The following PDE4C variants were observed in gnomAD, a reference collection of about 807,000 sequenced individuals.
PDE4C encodes phosphodiesterase 4C.
Under a neutral mutation model 63.9 loss-of-function variants are expected in PDE4C, and 50 were observed. The ratio of observed to expected loss-of-function variants is 0.78; its 90% CI spans 0.62 to 0.99. The LOEUF is 0.99. PDE4C is among the 50% of genes least tolerant of loss of function. PDE4C has a pLI of 0.00. For synonymous variants in PDE4C, 377 were observed against 385.1 expected (o/e 0.98, Z 0.25); for missense variants, 777 against 899.1 (o/e 0.86, Z 1.74).
Position 18,226,227 on chromosome 19 carries a change from C to A in PDE4C, c.146+43G>T, listed in dbSNP as rs370277022. On this transcript the variant is annotated intron_variant, in intron 1 of 14. Transcript: ENST00000262805. ...GTCCCTGCCCTTCCCACCTCCACACCGGGCGTCCCGGTGACCCCGCCAGGC... is the reference window on the plus strand; with the variant it reads ...GTCCCTGCCCTTCCCACCTCCACACAGGGCGTCCCGGTGACCCCGCCAGGC... 2.9e-4 allele frequency: 437 copies of A among 1,490,802 alleles called. 1 individual carries two copies. The African/African-American group carries it at 4.0e-3, about 14-fold the overall frequency. The allele number at this position is 1,490,802 out of a possible 1,614,324, so 92.3% of individuals were successfully genotyped here. A position where few individuals can be genotyped will look rare whatever the true frequency, so the allele number is the denominator to read the frequency against.
chr19:18,215,423 T>C (rs1476575046), intron 12 of PDE4C, among the ~76,000 whole-genome samples: 1 of 151,380 alleles, frequency 6.6e-6, no homozygotes, highest in Non-Finnish European at 1.5e-5. Context: ...AGGTGCTCAA[T>C]AAATGCTTGT....
intron 1 of PDE4C, chr19:18,224,411 G>C: frequency 8.1e-6 from 8 of 985,596 alleles, no homozygotes; most frequent in Non-Finnish European, 9.6e-6. Context: ...CCCCGCGTAG[G>C]CTCAGATCTG....
At chr19:18,246,435 G>A (rs577911866) in intron 1 of PDE4C, among the ~76,000 whole-genome samples, 42 of 151,100 alleles carry the variant, frequency 2.8e-4, no homozygotes, top group African/African-American at 9.5e-4. Context: ...CACCTGCCTC[G>A]GCCTCCCAAA....
chr19:18,234,779 A>C (rs1292102023), upstream of PDE4C, among the ~76,000 whole-genome samples: 1 of 152,146 alleles, frequency 6.6e-6, no homozygotes, highest in Non-Finnish European at 1.5e-5. Flanking sequence ...AAAGGAAAAC[A>C]TTTGGGCCAG....
At chr19:18,230,794 T>C (rs934737578), upstream of PDE4C, among the ~76,000 whole-genome samples, 2 of 152,138 alleles carry the variant, frequency 1.3e-5, no homozygotes, top group African/African-American at 4.8e-5. Flanking sequence ...CCTTTCCCTA[T>C]CAACCTGTGC....
chr19:18,242,108 G>C (rs749320825), intron 1 of PDE4C, among the ~76,000 whole-genome samples: 9 of 152,122 alleles, frequency 5.9e-5, no homozygotes, highest in Non-Finnish European at 8.8e-5. Flanking sequence ...AAAGATAGGG[G>C]AACAGCATAC....
At chr19:18,213,984 C>T (rs937782742) in intron 12 of PDE4C, among the ~76,000 whole-genome samples, 5 of 152,198 alleles carry the variant, frequency 3.3e-5, no homozygotes, top group African/African-American at 4.8e-5. Context: ...TCAGGCTGGG[C>T]GCCGTGGCTC....
rs1967974151 is a variant in PDE4C at position 18,212,047 on chromosome 19, G to A, written c.1513-106C>T. On this transcript the variant is annotated intron_variant, in intron 13 of 14. Transcript: ENST00000262805. ...CCATGGACACATTCATCTTACAGGT[G>A]GGGAAACTGAGGCCTGAGACCTGAA... 5.3e-6 allele frequency: 6 copies of A among 1,138,752 alleles called. 1 individual carries two copies. The highest frequency in any genetic ancestry group is 2.0e-4 in the Middle Eastern group (1 of 4,886). The allele number at this position is 1,138,752 out of a possible 1,614,324, so 70.5% of individuals were successfully genotyped here.
chr19:18,223,605 A>G (rs1286542879), intron 1 of PDE4C, among the ~76,000 whole-genome samples: 4 of 152,154 alleles, frequency 2.6e-5, no homozygotes, highest in Admixed American at 6.5e-5. Context: ...CGGCCTACCA[A>G]AGTACTGGGA....
At chr19:18,236,046 C>T (rs1235992802), upstream of PDE4C, among the ~76,000 whole-genome samples, 1 of 150,866 alleles carries the variant, frequency 6.6e-6, no homozygotes, top group Non-Finnish European at 1.5e-5. Flanking sequence ...GGGTTCACGC[C>T]ATTCTCCTGC....
upstream of PDE4C, chr19:18,252,274 A>G (rs1600110333): frequency 2.5e-6 from 1 of 399,026 alleles, no homozygotes; most frequent in Non-Finnish European, 4.4e-6. Flanking sequence ...GAATCTGTGG[A>G]GCTGGGGCTC....
chr19:18,223,497 AC>A (rs1341518824), intron 1 of PDE4C, among the ~76,000 whole-genome samples: 1 of 152,156 alleles, frequency 6.6e-6, no homozygotes, highest in Non-Finnish European at 1.5e-5. Flanking sequence ...GGCGTGAGCC[AC>A]CGTGCCCGGC....
intron 1 of PDE4C, among the ~76,000 whole-genome samples, chr19:18,222,703 T>TC (rs1600084911): frequency 2.3e-5 from 3 of 132,946 alleles, no homozygotes; most frequent in Non-Finnish European, 4.9e-5. Context: ...TTCTTTTCTT[T>TC]TTTTTTTTTT....
At chr19:18,211,786 C>T (rs749279270) in exon 14 of PDE4C, 3 of 1,614,254 alleles carry the variant, frequency 1.9e-6, no homozygotes, top group Non-Finnish European at 2.5e-6. Context: ...AGGCCGTATG[C>T]TTGTCACACA....
At chr19:18,235,008 A>T (rs271829), upstream of PDE4C, among the ~76,000 whole-genome samples, 114,449 of 151,726 alleles carry the variant, frequency 0.75, 44,316 homozygotes, top group African/African-American at 0.93. Flanking sequence ...GTCTTTTTTT[A>T]AAATATTCTG....
chr19:18,214,766 T>C (rs944299326), intron 12 of PDE4C, among the ~76,000 whole-genome samples: 34 of 152,040 alleles, frequency 2.2e-4, no homozygotes, highest in Admixed American at 1.2e-3. Context: ...ATGGCCAACA[T>C]GGTGAAACCC....
chr19:18,215,617 TG>T (rs1568663737), intron 12 of PDE4C, among the ~76,000 whole-genome samples: 2 of 149,510 alleles, frequency 1.3e-5, no homozygotes, highest in African/African-American at 2.5e-5. Context: ...CGGGTTCAAA[TG>T]ATTCTCCTGA....
At chr19:18,249,573 C>T (rs574448356), upstream of PDE4C, among the ~76,000 whole-genome samples, 2 of 127,232 alleles carry the variant, frequency 1.6e-5, no homozygotes, top group Non-Finnish European at 3.2e-5. Context: ...CTACGCCTGG[C>T]CCTATTTTTT....
At chr19:18,214,150 C>T (rs570245122) in intron 12 of PDE4C, among the ~76,000 whole-genome samples, 2 of 151,050 alleles carry the variant, frequency 1.3e-5, no homozygotes, top group East Asian at 1.9e-4. Context: ...CCCAGCTACT[C>T]GGAAGGCTGA....
Sources: gnomAD v4.1 joint callset for allele counts (sites outside exome capture counted in the v4.1 genomes callset) on GRCh38, gnomAD v4.1.1 for gene constraint, MANE v1.5 for transcripts, NCBI Gene and HGNC (gene_info 2026-07-23, HGNC 2026-07-21) for gene names.